Variants in SLC2A9 observed in about 807,000 individuals in gnomAD.
SLC2A9 encodes solute carrier family 2 member 9.
In SLC2A9, 39 loss-of-function variants were observed where a neutral mutation model predicts 50.6. That is an observed-to-expected ratio of 0.77 (90% CI 0.60 to 1.01). SLC2A9 has a LOEUF of 1.01. Among genes scored for constraint, SLC2A9 ranks in the 50% least tolerant of loss-of-function variants. SLC2A9 has a pLI of 0.00. For synonymous variants in SLC2A9, 324 were observed against 276.9 expected (o/e 1.17, Z -1.69); for missense variants, 686 against 677.6 (o/e 1.01, Z -0.14).
intron 3 of SLC2A9, among the ~76,000 whole-genome samples, chr4:9,987,585 G>T: frequency 6.6e-6 from 1 of 152,152 alleles, no homozygotes; most frequent in Non-Finnish European, 1.5e-5. Flanking sequence ...GCCCCAGTGG[G>T]TCTCTGATCT....
intron 10 of SLC2A9, among the ~76,000 whole-genome samples, chr4:9,852,209 T>C (rs1256431490): frequency 3.3e-5 from 5 of 151,038 alleles, no homozygotes; most frequent in African/African-American, 4.9e-5. Flanking sequence ...GCAGAAACCC[T>C]ATAAGCCAGA....
chr4:9,884,238 G>A (rs1735757242), intron 10 of SLC2A9, among the ~76,000 whole-genome samples: 1 of 152,196 alleles, frequency 6.6e-6, no homozygotes, highest in Non-Finnish European at 1.5e-5. Flanking sequence ...AAACATTCAA[G>A]GTGCCTGCTC....
At position 10,030,403 on chromosome 4, in the gene SLC2A9, T is replaced by TA. The variant is rs1270567721; in HGVS notation, c.-40-4398dup. ...TACTATAATGGTAAATACAAGTAATTATGCCTTTGTCCAAACCCACAGAAT... is the reference window on the plus strand; with the variant it reads ...TACTATAATGGTAAATACAAGTAATTAATGCCTTTGTCCAAACCCACAGAAT... On this transcript the variant is annotated intron_variant, in intron 1 of 12. Transcript: ENST00000309065. Among the ~76,000 whole-genome samples the TA allele has an allele frequency of 2.0e-5, 3 of 152,334 alleles. 1 individual carries two copies. The highest frequency in any genetic ancestry group is 7.2e-5 in the African/African-American group (3 of 41,578).
Position 9,947,634 on chromosome 4 carries a change from G to A in SLC2A9, c.682-5589C>T, listed in dbSNP as rs538325012. 1.4e-4 allele frequency among the ~76,000 whole-genome samples: 22 copies of A among 152,298 alleles called. No homozygotes were observed. The South Asian group carries it at 4.6e-3, about 32-fold the overall frequency. On this transcript the variant is annotated intron_variant, in intron 5 of 11. Coordinates refer to ENST00000264784, the MANE Select transcript of SLC2A9 (RefSeq NM_020041.3). ...GAGCTAGTAAACAACCTGCCTGAGA[G>A]CAGGCCTTTCGTATGCAAACCCACC...
At chr4:9,811,713 G>T (rs1344428310) in intron 3 of SLC2A9, among the ~76,000 whole-genome samples, 1 of 152,158 alleles carries the variant, frequency 6.6e-6, no homozygotes, top group Non-Finnish European at 1.5e-5. Context: ...GGAAAGAAAA[G>T]GTTGTTTTTT....
Position 9,799,700 on chromosome 4 carries a change from C to CCCACCA in SLC2A9, n.421-460_421-459insTGGTGG, listed in dbSNP as rs1553813204. On this transcript the variant is annotated intron_variant and non_coding_transcript_variant, in intron 3 of 3. Transcript: ENST00000503280. Reference sequence around the variant, plus strand: ...AGCTCCATTCCAATTGTACCCCCCCCCCACCCAACTTCTACACCAGTTTTG... The same window carrying CCCACCA: ...AGCTCCATTCCAATTGTACCCCCCCCCCACCACCACCCAACTTCTACACCAGTTTTG... 9.8e-4 allele frequency among the ~76,000 whole-genome samples: 92 copies of CCCACCA among 93,712 alleles called. 2 individuals carry two copies. The highest frequency in any genetic ancestry group is 3.5e-3 in the African/African-American group (88 of 25,166). 61.5% of individuals were successfully genotyped at this position (93,712 alleles called of 152,430 possible). A position where few individuals can be genotyped will look rare whatever the true frequency, so the allele number is the denominator to read the frequency against.
intron 5 of SLC2A9, among the ~76,000 whole-genome samples, chr4:9,971,296 T>C (rs146914131): frequency 0.014 from 2,152 of 152,324 alleles, 24 homozygotes; most frequent in Middle Eastern, 0.054. Flanking sequence ...ACAACTAATA[T>C]ACAAGCTGAG....
At chr4:9,893,401 G>T (rs1479411025) in intron 8 of SLC2A9, among the ~76,000 whole-genome samples, 1 of 152,074 alleles carries the variant, frequency 6.6e-6, no homozygotes, top group Admixed American at 6.6e-5. Context: ...CATTTGCAGG[G>T]GGAGGGCGGG....
intron 8 of SLC2A9, among the ~76,000 whole-genome samples, chr4:9,897,781 A>C (rs556874196): frequency 6.6e-6 from 1 of 152,080 alleles, no homozygotes; most frequent in Non-Finnish European, 1.5e-5. Context: ...TCGCAGCTAC[A>C]CGGGAGGCTG....
chr4:9,928,141 A>G (rs1369827841), intron 6 of SLC2A9, among the ~76,000 whole-genome samples: 1 of 152,200 alleles, frequency 6.6e-6, no homozygotes, highest in Non-Finnish European at 1.5e-5. Context: ...AGAAACCACA[A>G]ATTAAAGGTA....
In SLC2A9 at chr4:9,887,624, G is replaced by A. The variant is rs1232471325; in HGVS notation, c.1234C>T (p.Pro412Ser). 5 of 1,556,172 alleles carry A rather than the reference G, an allele frequency of 3.2e-6. No individual in the cohort carries two copies. The highest frequency in any genetic ancestry group is 1.2e-5 in the South Asian group (1 of 82,092). ...AGAATGCCCACGATACTCAGGTAGGGGACCCAGGGGGCGTGGTCCTGGGAG... is the reference window on the plus strand; with the variant it reads ...AGAATGCCCACGATACTCAGGTAGGAGACCCAGGGGGCGTGGTCCTGGGAG... ...LTLQDHAPWV[P>S]YLSIVGILAI... Residue 412 changes from proline to serine, a missense_variant, in exon 10 of 12, where the codon CCC becomes TCC. By Grantham distance (74) the Pro-to-Ser change is moderately conservative. Transcript: ENST00000264784.
intron 8 of SLC2A9, among the ~76,000 whole-genome samples, chr4:9,901,110 T>C (rs1014656696): frequency 6.6e-6 from 1 of 152,194 alleles, no homozygotes; most frequent in South Asian, 2.1e-4. Flanking sequence ...ACTTCTCAGA[T>C]CTGGGGATGC....
At chr4:9,887,183 T>C (rs919518737) in intron 10 of SLC2A9, among the ~76,000 whole-genome samples, 8 of 152,224 alleles carry the variant, frequency 5.3e-5, no homozygotes, top group African/African-American at 1.7e-4. Flanking sequence ...CAATGAACAA[T>C]ATGTCTTAGA....
intron 10 of SLC2A9, among the ~76,000 whole-genome samples, chr4:9,847,445 G>C (rs994723311): frequency 1.3e-5 from 2 of 152,156 alleles, no homozygotes; most frequent in African/African-American, 4.8e-5. Flanking sequence ...TGACACATGG[G>C]AATTACAATT....
At chr4:9,942,608 G>A (rs980758700) in intron 5 of SLC2A9, among the ~76,000 whole-genome samples, 1 of 152,146 alleles carries the variant, frequency 6.6e-6, no homozygotes, top group African/African-American at 2.4e-5. Flanking sequence ...TTAGGGAGAG[G>A]AGGCCTTTCA....
intron 10 of SLC2A9, chr4:9,879,873 C>A: frequency 1.0e-6 from 1 of 985,418 alleles, no homozygotes; most frequent in Non-Finnish European, 1.2e-6. Flanking sequence ...TGGGGTTATG[C>A]ACACAAATAA....
At chr4:9,956,156 G>A (rs1029374965) in intron 5 of SLC2A9, among the ~76,000 whole-genome samples, 1 of 150,606 alleles carries the variant, frequency 6.6e-6, no homozygotes, top group Admixed American at 6.6e-5. Flanking sequence ...TGGAATTACA[G>A]GCGTGATCCA....
At chr4:9,920,781 C>T (rs1743793703) in intron 6 of SLC2A9, among the ~76,000 whole-genome samples, 1 of 152,204 alleles carries the variant, frequency 6.6e-6, no homozygotes, top group African/African-American at 2.4e-5. Context: ...ATTTGCTCAA[C>T]ATCACCCAGC....
At chr4:9,822,690 C>A (rs1202628131), downstream of SLC2A9, among the ~76,000 whole-genome samples, 1 of 152,200 alleles carries the variant, frequency 6.6e-6, no homozygotes, top group East Asian at 1.9e-4. Flanking sequence ...CCAGTCTCTT[C>A]TGGCTTATTT....
Sources: gnomAD v4.1 joint callset for allele counts (sites outside exome capture counted in the v4.1 genomes callset) on GRCh38, gnomAD v4.1.1 for gene constraint, MANE v1.5 for transcripts, NCBI Gene and HGNC (gene_info 2026-07-23, HGNC 2026-07-21) for gene names.